ZNF804B: variants seen among roughly 807,000 people sequenced by gnomAD.
ZNF804B encodes the protein zinc finger protein 804B, also known as zinc finger 804B.
ZNF804B carries 80 observed loss-of-function variants against 101.4 expected under a neutral mutation model. The observed-to-expected ratio is 0.79, with a 90% confidence interval of 0.66 to 0.95. The LOEUF is 0.95. ZNF804B is among the 40% of genes least tolerant of loss of function. The probability of loss-of-function intolerance (pLI) is 0.00; values close to 1 mark genes in which losing one functional copy is unlikely to be tolerated. For synonymous variants in ZNF804B, 622 were observed against 558.8 expected, an observed-to-expected ratio of 1.11 and a Z score of -1.59; for missense variants, 1,673 against 1,561.9, an observed-to-expected ratio of 1.07 and a Z score of -1.20.
intron 1 of ZNF804B, among the ~76,000 whole-genome samples, chr7:88,957,459 A>G (rs923422502): frequency 6.6e-5 from 10 of 151,370 alleles, no homozygotes; most frequent in Non-Finnish European, 1.5e-4. Context: ...CATTGTATAA[A>G]TATTACCTGA....
intron 1 of ZNF804B, among the ~76,000 whole-genome samples, chr7:89,133,793 T>C (rs937349057): frequency 2.0e-5 from 3 of 152,068 alleles, no homozygotes; most frequent in Admixed American, 2.0e-4. Flanking sequence ...CAGTAAACTG[T>C]TTATATATAG....
intron 1 of ZNF804B, among the ~76,000 whole-genome samples, chr7:88,892,162 ATAT>A (rs56899350): frequency 0.013 from 2,014 of 149,930 alleles, 45 homozygotes; most frequent in African/African-American, 0.047. Flanking sequence ...TACAAATTAG[ATAT>A]TGTTGTTTAA....
intron 1 of ZNF804B, among the ~76,000 whole-genome samples, chr7:89,074,101 T>C (rs551563259): frequency 6.6e-6 from 1 of 152,280 alleles, no homozygotes; most frequent in African/African-American, 2.4e-5. Flanking sequence ...TTGTTAAGTG[T>C]CTGGATACAG....
At chr7:89,223,361 T>A (rs1365760379) in intron 2 of ZNF804B, among the ~76,000 whole-genome samples, 1 of 151,944 alleles carries the variant, frequency 6.6e-6, no homozygotes, top group Non-Finnish European at 1.5e-5. Context: ...CCTTCATTCA[T>A]GTATAATTAC....
At chr7:88,811,578 G>A (rs1295552765) in intron 1 of ZNF804B, among the ~76,000 whole-genome samples, 1 of 152,126 alleles carries the variant, frequency 6.6e-6, no homozygotes, top group African/African-American at 2.4e-5. Flanking sequence ...CAACCCAGAT[G>A]CCCATCAGTG....
intron 2 of ZNF804B, among the ~76,000 whole-genome samples, chr7:89,251,738 A>C (rs1789544329): frequency 6.6e-6 from 1 of 152,158 alleles, no homozygotes; most frequent in Non-Finnish European, 1.5e-5. Context: ...ACAATGGAGA[A>C]CCCAGAAATG....
intron 2 of ZNF804B, among the ~76,000 whole-genome samples, chr7:89,230,766 CTG>C (rs35536067): frequency 0.23 from 35,547 of 151,842 alleles, 4,405 homozygotes; most frequent in Non-Finnish European, 0.27. Flanking sequence ...CTTTTCCTAA[CTG>C]TACATTATTC....
chr7:88,881,893 T>C (rs565414495), intron 1 of ZNF804B, among the ~76,000 whole-genome samples: 1 of 152,220 alleles, frequency 6.6e-6, no homozygotes, highest in African/African-American at 2.4e-5. Flanking sequence ...ACAACTGTTA[T>C]GTCTTATCTT....
intron 1 of ZNF804B, among the ~76,000 whole-genome samples, chr7:89,080,156 G>T (rs1789674675): frequency 6.6e-6 from 1 of 151,914 alleles, no homozygotes; most frequent in Non-Finnish European, 1.5e-5. Context: ...CAGGGCAGTG[G>T]TGGTGGTGAC....
chr7:89,141,234 A>T (rs1427747454), intron 1 of ZNF804B, among the ~76,000 whole-genome samples: 1 of 152,090 alleles, frequency 6.6e-6, no homozygotes, highest in Non-Finnish European at 1.5e-5. Context: ...TATAATAATA[A>T]TTAAAACATT....
intron 2 of ZNF804B, among the ~76,000 whole-genome samples, chr7:89,218,832 A>G (rs1033073482): frequency 2.6e-5 from 4 of 152,108 alleles, no homozygotes; most frequent in African/African-American, 9.7e-5. Context: ...CTATTCATTA[A>G]GTGGAAGTGG....
intron 1 of ZNF804B, among the ~76,000 whole-genome samples, chr7:88,806,273 A>G (rs1320153262): frequency 3.3e-5 from 5 of 152,136 alleles, no homozygotes; most frequent in Non-Finnish European, 5.9e-5. Flanking sequence ...TGGATTACCC[A>G]GTCCTTAAAA....
intron 1 of ZNF804B, among the ~76,000 whole-genome samples, chr7:89,215,024 C>T (rs1219318525): frequency 1.3e-5 from 2 of 152,070 alleles, no homozygotes; most frequent in Non-Finnish European, 2.9e-5. Context: ...GATTTCTATC[C>T]TTATAATTCA....
chr7:89,043,543 A>G (rs1308132771), intron 1 of ZNF804B, among the ~76,000 whole-genome samples: 2 of 152,222 alleles, frequency 1.3e-5, no homozygotes, highest in Non-Finnish European at 2.9e-5. Flanking sequence ...ATTGAGAAAC[A>G]TAATATAGCA....
chr7:88,776,555 GTTTTGTTTTTT>G (rs774155873), intron 1 of ZNF804B, among the ~76,000 whole-genome samples: 1 of 106,456 alleles, frequency 9.4e-6, no homozygotes, highest in African/African-American at 3.3e-5. Flanking sequence ...TTCTCGTGGT[GTTTTGTTTTTT>G]TTTTTTTTTT....
intron 1 of ZNF804B, among the ~76,000 whole-genome samples, chr7:88,830,992 A>G (rs2115782172): frequency 6.6e-6 from 1 of 151,954 alleles, no homozygotes; most frequent in East Asian, 1.9e-4. Context: ...ATATGTTGCA[A>G]ATATTTTAGT....
chr7:89,215,689 C>T (rs1788880836), intron 1 of ZNF804B, among the ~76,000 whole-genome samples: 1 of 151,500 alleles, frequency 6.6e-6, no homozygotes, highest in South Asian at 2.1e-4. Context: ...CAAGACCATC[C>T]TGGCTAACAC....
intron 1 of ZNF804B, among the ~76,000 whole-genome samples, chr7:89,207,864 TA>T (rs1788737965): frequency 6.6e-6 from 1 of 152,164 alleles, no homozygotes; most frequent in African/African-American, 2.4e-5. Flanking sequence ...CACTGTAATT[TA>T]ATTGCTTCAA....
At chr7:88,830,281 C>T (rs1475682852) in intron 1 of ZNF804B, among the ~76,000 whole-genome samples, 2 of 151,880 alleles carry the variant, frequency 1.3e-5, no homozygotes, top group Non-Finnish European at 2.9e-5. Context: ...CAGTCCATAA[C>T]AAAAATGAAG....
Sources: allele counts gnomAD v4.1 joint callset (sites outside exome capture counted in the v4.1 genomes callset), GRCh38; gene constraint gnomAD v4.1.1; transcripts MANE v1.5; gene names NCBI Gene and HGNC (gene_info 2026-07-23, HGNC 2026-07-21).